ADARB2: variants seen among roughly 807,000 people sequenced by gnomAD.
ADARB2 encodes the protein adenosine deaminase RNA specific B2 (inactive).
Under a neutral mutation model 62.2 loss-of-function variants are expected in ADARB2, and 25 were observed. The ratio of observed to expected loss-of-function variants is 0.40; its 90% CI spans 0.29 to 0.56. ADARB2 has a LOEUF of 0.56. ADARB2 is among the 20% of genes least tolerant of loss of function. The pLI is 0.43. For missense variants in ADARB2, 1,071 were observed against 1,077.4 expected, an observed-to-expected ratio of 0.99 and a Z score of 0.08; for synonymous variants, 572 against 500.8, an observed-to-expected ratio of 1.14 and a Z score of -1.90.
chr10:1,320,845 T>G (rs1228955583), intron 3 of ADARB2, among the ~76,000 whole-genome samples: 1 of 152,228 alleles, frequency 6.6e-6, no homozygotes, highest in Non-Finnish European at 1.5e-5. Flanking sequence ...TCCTGTTTTT[T>G]AAGCACTGTA....
rs572330219 is a variant in ADARB2, at chr10:1,673,945, ATTGGGCAGATG to A, written c.100+63095_100+63105del. 4.8e-3 allele frequency among the ~76,000 whole-genome samples: 726 copies of A among 152,390 alleles called. 5 individuals are homozygous for A. The highest frequency in any genetic ancestry group is 0.016 in the African/African-American group (678 of 41,598). ...ATCTGCTTCATATTAAAGAAAGGTT[ATTGGGCAGATG>A]TTAGAACAGCCAACATAAATGTGTT... On this transcript the variant is annotated intron_variant, in intron 1 of 9. Coordinates refer to ENST00000381312, the MANE Select transcript of ADARB2 (RefSeq NM_018702.4).
rs1564257905 is a variant in ADARB2, at chr10:1,326,858, T to TCCCCACG, written c.1077+36169_1077+36170insCGTGGGG. Among the ~76,000 whole-genome samples the TCCCCACG allele has an allele frequency of 1.0e-3, 12 of 11,722 alleles. 4 individuals carry two copies. The highest frequency in any genetic ancestry group is 1.3e-3 in the Non-Finnish European group (7 of 5,276). 7.7% of individuals were successfully genotyped at this position (11,722 alleles called of 152,430 possible). A position where few individuals can be genotyped will look rare whatever the true frequency, so the allele number is the denominator to read the frequency against. ...TCCCCACGGCCCAGCGCCTCCCCAC[T>TCCCCACG]GCCCAGCGCCTCCCCACGGCACAGC... On this transcript the variant is annotated intron_variant, in intron 3 of 9. Coordinates refer to ENST00000381312, the MANE Select transcript of ADARB2 (RefSeq NM_018702.4).
intron 1 of ADARB2, among the ~76,000 whole-genome samples, chr10:1,585,754 T>G (rs1238204864): frequency 6.6e-6 from 1 of 152,156 alleles, no homozygotes; most frequent in Non-Finnish European, 1.5e-5. Context: ...CCAAACTGTG[T>G]CTGGGTGCGG....
At chr10:1,400,754 T>G (rs1441178796) in intron 1 of ADARB2, among the ~76,000 whole-genome samples, 1 of 152,056 alleles carries the variant, frequency 6.6e-6, no homozygotes, top group East Asian at 1.9e-4. Context: ...AGCCTCCTTT[T>G]CATGCTGTTC....
chr10:1,358,193 A>G (rs2131847607), intron 3 of ADARB2, among the ~76,000 whole-genome samples: 1 of 152,316 alleles, frequency 6.6e-6, no homozygotes, highest in Middle Eastern at 3.4e-3. Context: ...ATTTTTCTGC[A>G]AGGATTCAGC....
At chr10:1,714,126 TG>T (rs1419099525) in intron 1 of ADARB2, among the ~76,000 whole-genome samples, 1 of 152,236 alleles carries the variant, frequency 6.6e-6, no homozygotes, top group Non-Finnish European at 1.5e-5. Flanking sequence ...CAAAAACCAA[TG>T]GACATTTCAG....
chr10:1,581,050 G>A (rs774436162), intron 1 of ADARB2, among the ~76,000 whole-genome samples: 3 of 152,218 alleles, frequency 2.0e-5, no homozygotes, highest in Non-Finnish European at 2.9e-5. Context: ...ATTTTGTGTG[G>A]ACATGTTTCC....
At chr10:1,414,290 A>G (rs1832783637) in intron 1 of ADARB2, among the ~76,000 whole-genome samples, 1 of 152,234 alleles carries the variant, frequency 6.6e-6, no homozygotes, top group African/African-American at 2.4e-5. Context: ...AATGTAAAAG[A>G]GTCTTAGAAC....
At position 1,217,194 on chromosome 10, in the gene ADARB2, G is replaced by C. The variant is rs148270298; in HGVS notation, c.1514-75C>G. The C allele has an allele frequency of 2.2e-4, 306 of 1,395,030 alleles. 5 individuals carry two copies. The East Asian group carries it at 4.1e-3, about 19-fold the overall frequency. 86.4% of individuals were successfully genotyped at this position (1,395,030 alleles called of 1,614,324 possible). A position where few individuals can be genotyped will look rare whatever the true frequency, so the allele number is the denominator to read the frequency against. ...TTTTGGGAGGTGGGAGAAGAGGAAG[G>C]ACTGCAACAGAGGTCAAAGGGCCCC... is the stretch of plus-strand genomic sequence containing the variant. On this transcript the variant is annotated intron_variant, in intron 6 of 9. Transcript: ENST00000381312.
chr10:1,372,411 G>T (rs1162237663), intron 2 of ADARB2, among the ~76,000 whole-genome samples: 1 of 152,148 alleles, frequency 6.6e-6, no homozygotes, highest in Non-Finnish European at 1.5e-5. Flanking sequence ...CCACCAGGGT[G>T]CAGTATACCC....
intron 3 of ADARB2, among the ~76,000 whole-genome samples, chr10:1,306,149 T>G (rs1214488138): frequency 6.7e-6 from 1 of 150,104 alleles, no homozygotes; most frequent in Non-Finnish European, 1.5e-5. Flanking sequence ...TGATTGTATA[T>G]CTAGAAAACC....
At position 1,363,571 on chromosome 10, in the gene ADARB2, C is replaced by T; in HGVS notation, c.534G>A (p.Lys178=). ...EGTGPTKKKA[K]MRAAELALRS... ...TGAGTGCCAGCTCCGCCGCGCGCAT[C>T]TTGGCCTTCTTCTTGGTGGGGCCTG... Residue 178 remains lysine, a synonymous_variant, in exon 3 of 10, where the codon AAG becomes AAA. Transcript: ENST00000381312. The T allele has an allele frequency of 6.3e-7, 1 of 1,583,704 alleles. No individual in the cohort carries two copies. The highest frequency in any genetic ancestry group is 8.6e-7 in the Non-Finnish European group (1 of 1,165,502).
intron 5 of ADARB2, among the ~76,000 whole-genome samples, chr10:1,241,229 A>G (rs1830918064): frequency 6.6e-6 from 1 of 152,062 alleles, no homozygotes. Flanking sequence ...ATTGCACTCC[A>G]GCCTGGGCGA....
At chr10:1,362,655 G>A (rs1358719456) in intron 3 of ADARB2, among the ~76,000 whole-genome samples, 2 of 152,102 alleles carry the variant, frequency 1.3e-5, no homozygotes, top group South Asian at 2.1e-4. Context: ...GGCACAGGGC[G>A]CCTCCCTGGT....
At chr10:1,243,959 G>A (rs530856431) in intron 4 of ADARB2, among the ~76,000 whole-genome samples, 7 of 152,208 alleles carry the variant, frequency 4.6e-5, no homozygotes, top group Non-Finnish European at 1.0e-4. Flanking sequence ...TCCCCACGCC[G>A]CTTTAATCAG....
intron 1 of ADARB2, among the ~76,000 whole-genome samples, chr10:1,621,055 G>C (rs1480236951): frequency 6.6e-6 from 1 of 152,180 alleles, no homozygotes. Flanking sequence ...ACAAGGGAAG[G>C]ATGTCTACTT....
chr10:1,599,836 C>T (rs1034011126), intron 1 of ADARB2, among the ~76,000 whole-genome samples: 4 of 152,120 alleles, frequency 2.6e-5, no homozygotes, highest in African/African-American at 9.7e-5. Context: ...ACCTCTGCCT[C>T]CCTAGGCTCA....
At chr10:1,295,600 C>T (rs776663422) in intron 3 of ADARB2, among the ~76,000 whole-genome samples, 9 of 151,402 alleles carry the variant, frequency 5.9e-5, no homozygotes, top group Non-Finnish European at 1.3e-4. Flanking sequence ...GCCTCTGTTT[C>T]TTCAATGACC....
At chr10:1,187,773 C>CTGG (rs1836780552) in intron 8 of ADARB2, 1 of 365,090 alleles carries the variant, frequency 2.7e-6, no homozygotes, top group South Asian at 2.0e-5. Flanking sequence ...AAGGAAGGAG[C>CTGG]TGGTGGGGCA....
Sources: allele counts gnomAD v4.1 joint callset (sites outside exome capture counted in the v4.1 genomes callset), GRCh38; gene constraint gnomAD v4.1.1; transcripts MANE v1.5; gene names NCBI Gene and HGNC (gene_info 2026-07-23, HGNC 2026-07-21).